VAV3: variants seen among roughly 807,000 people sequenced by gnomAD.
VAV3 encodes the protein guanine nucleotide exchange factor VAV3.
Under a neutral mutation model 131.2 loss-of-function variants are expected in VAV3, and 94 were observed. The observed-to-expected ratio is 0.72, with a 90% CI of 0.61 to 0.85. VAV3 has a LOEUF of 0.85. VAV3 is among the 40% of genes least tolerant of loss of function. The pLI is 0.00. For synonymous variants in VAV3, 349 were observed against 342.0 expected (o/e 1.02, Z -0.22); for missense variants, 939 against 1,002.7 (o/e 0.94, Z 0.86).
intron 21 of VAV3, among the ~76,000 whole-genome samples, chr1:107,613,130 C>T (rs1652881490): frequency 6.6e-6 from 1 of 152,096 alleles, no homozygotes; most frequent in South Asian, 2.1e-4. Flanking sequence ...TTAGCTGGGT[C>T]TAATAATCAA....
At chr1:107,919,907 T>TA (rs1305657405) in intron 1 of VAV3, among the ~76,000 whole-genome samples, 13 of 151,804 alleles carry the variant, frequency 8.6e-5, no homozygotes, top group South Asian at 2.1e-4. Context: ...AAAGGTAACT[T>TA]AAAAAAAATG....
At chr1:107,658,960 C>G (rs563467117) in intron 19 of VAV3, among the ~76,000 whole-genome samples, 34 of 152,196 alleles carry the variant, frequency 2.2e-4, no homozygotes, top group African/African-American at 7.9e-4. Context: ...TTAATTAGAT[C>G]CCATTTGTCA....
chr1:107,792,686 A>G (rs1319980976), intron 2 of VAV3, among the ~76,000 whole-genome samples: 1 of 152,208 alleles, frequency 6.6e-6, no homozygotes, highest in East Asian at 1.9e-4. Context: ...CTATTTCCAC[A>G]TTGTATTCGC....
At chr1:107,932,459 A>G (rs572406499) in intron 1 of VAV3, among the ~76,000 whole-genome samples, 4 of 152,364 alleles carry the variant, frequency 2.6e-5, no homozygotes, top group South Asian at 2.1e-4. Context: ...GAACAAAGCA[A>G]TAACTATGCA....
intron 20 of VAV3, among the ~76,000 whole-genome samples, chr1:107,622,982 GA>G (rs907248969): frequency 2.1e-4 from 32 of 152,130 alleles, no homozygotes; most frequent in Non-Finnish European, 4.0e-4. Flanking sequence ...TGCAATAAAA[GA>G]AAAAAACCAG....
At chr1:107,776,723 C>T (rs1256503438) in intron 4 of VAV3, among the ~76,000 whole-genome samples, 1 of 152,160 alleles carries the variant, frequency 6.6e-6, no homozygotes. Context: ...GTAATCTGTA[C>T]AAGTCACTCA....
intron 19 of VAV3, among the ~76,000 whole-genome samples, chr1:107,645,051 C>G (rs937529654): frequency 6.6e-6 from 1 of 150,706 alleles, no homozygotes; most frequent in African/African-American, 2.4e-5. Context: ...TTTATTTACT[C>G]TATCTTTTCT....
chr1:107,779,294 C>T (rs965906543), intron 3 of VAV3, 140 bp downstream of exon 3: 23 of 576,680 alleles, frequency 4.0e-5, no homozygotes, highest in African/African-American at 2.5e-4. Context: ...CAAACGTGTA[C>T]GGGATACTTA....
chr1:107,953,278 G>A (rs1391680756), intron 1 of VAV3, among the ~76,000 whole-genome samples: 2 of 152,176 alleles, frequency 1.3e-5, no homozygotes, highest in African/African-American at 4.8e-5. Flanking sequence ...TCATAGACAT[G>A]AGGATTGGGG....
intron 2 of VAV3, among the ~76,000 whole-genome samples, chr1:107,870,257 C>T (rs1285893886): frequency 3.9e-5 from 6 of 152,106 alleles, no homozygotes; most frequent in Admixed American, 1.3e-4. Flanking sequence ...CCACCAGCAG[C>T]GTAGAAGTGT....
chr1:107,785,419 C>G, intron 2 of VAV3: 3 of 1,326,978 alleles, frequency 2.3e-6, no homozygotes, highest in Middle Eastern at 2.1e-4. Context: ...GTAACAACAA[C>G]CTGGGTTCAA....
chr1:107,783,920 C>T (rs1163275023), intron 2 of VAV3, among the ~76,000 whole-genome samples: 2 of 150,420 alleles, frequency 1.3e-5, no homozygotes, highest in Admixed American at 1.3e-4. Flanking sequence ...ATTAGCCAGG[C>T]ATGGTGGCGG....
At chr1:107,600,599 T>C (rs1651772400) in intron 24 of VAV3, among the ~76,000 whole-genome samples, 1 of 152,230 alleles carries the variant, frequency 6.6e-6, no homozygotes, top group Non-Finnish European at 1.5e-5. Flanking sequence ...CCAGAGAATA[T>C]CATTGTAGAA....
intron 19 of VAV3, among the ~76,000 whole-genome samples, chr1:107,681,665 T>C (rs1175538547): frequency 6.6e-6 from 1 of 151,742 alleles, no homozygotes; most frequent in African/African-American, 2.4e-5. Context: ...TTTTTTTTTT[T>C]TTTTTTTGAG....
intron 2 of VAV3, among the ~76,000 whole-genome samples, chr1:107,850,926 T>C (rs1177128631): frequency 6.6e-6 from 1 of 151,958 alleles, no homozygotes; most frequent in Non-Finnish European, 1.5e-5. Context: ...TACAGGTAAG[T>C]GTGCCCTTGG....
At chr1:107,821,420 G>A (rs943160794) in intron 2 of VAV3, among the ~76,000 whole-genome samples, 19 of 152,266 alleles carry the variant, frequency 1.2e-4, no homozygotes, top group African/African-American at 3.8e-4. Flanking sequence ...AATGAAGGAG[G>A]GAAAACCCAA....
chr1:107,893,541 A>G (rs1294440353), intron 1 of VAV3, among the ~76,000 whole-genome samples: 5 of 152,186 alleles, frequency 3.3e-5, no homozygotes, highest in Admixed American at 6.5e-5. Context: ...AAGGTGAGGA[A>G]GAGCAAGTCA....
chr1:107,645,414 G>A (rs147882740), intron 19 of VAV3, among the ~76,000 whole-genome samples: 2 of 151,684 alleles, frequency 1.3e-5, no homozygotes, highest in Admixed American at 1.3e-4. Flanking sequence ...TGTTGTCAGG[G>A]GTACAGAGAT....
chr1:107,772,637 TA>T (rs1016336136), intron 5 of VAV3, 97 bp downstream of exon 5: 73 of 1,040,396 alleles, frequency 7.0e-5, no homozygotes, highest in Non-Finnish European at 8.1e-5. Flanking sequence ...AAGCAAAGGT[TA>T]AAAAAAATCC....
Sources: gnomAD v4.1 joint callset for allele counts (sites outside exome capture counted in the v4.1 genomes callset) on GRCh38, gnomAD v4.1.1 for gene constraint, MANE v1.5 for transcripts, NCBI Gene and HGNC (gene_info 2026-07-23, HGNC 2026-07-21) for gene names.